The following PDE4D variants were observed in gnomAD, a reference collection of about 807,000 sequenced individuals.
The protein encoded by PDE4D is 3',5'-cyclic-AMP phosphodiesterase 4D.
A neutral mutation model predicts 87.4 loss-of-function variants in PDE4D; 24 were observed. That is an observed-to-expected ratio of 0.27 (90% CI 0.20 to 0.39). The LOEUF is 0.39. Among genes scored for constraint, PDE4D ranks in the 10% least tolerant of loss-of-function variants. The pLI, the probability that PDE4D is intolerant of heterozygous loss-of-function variation, is 1.00. For synonymous variants in PDE4D, 384 were observed against 383.2 expected, an observed-to-expected ratio of 1.00 and a Z score of -0.02; for missense variants, 714 against 1,041.0, an observed-to-expected ratio of 0.69 and a Z score of 4.32.
intron 1 of PDE4D, among the ~76,000 whole-genome samples, chr5:60,467,333 C>T (rs1376264592): frequency 6.6e-6 from 1 of 152,172 alleles, no homozygotes; most frequent in Non-Finnish European, 1.5e-5. Context: ...CCACCAGGCC[C>T]AGCCCTGGAA....
chr5:60,244,612 G>A (rs533990665), intron 1 of PDE4D, among the ~76,000 whole-genome samples: 1 of 151,892 alleles, frequency 6.6e-6, no homozygotes, highest in East Asian at 1.9e-4. Context: ...ACATAGACCA[G>A]TGGAATAGAA....
chr5:59,358,672 T>TG (rs1366183107), intron 1 of PDE4D, among the ~76,000 whole-genome samples: 3 of 151,816 alleles, frequency 2.0e-5, no homozygotes, highest in African/African-American at 7.3e-5. Flanking sequence ...AGATAACTGG[T>TG]GATCTGCGTA....
intron 2 of PDE4D, among the ~76,000 whole-genome samples, chr5:60,094,806 G>A (rs851280): frequency 0.5 from 75,134 of 151,412 alleles, 19,060 homozygotes; most frequent in East Asian, 0.82. Flanking sequence ...GAACTGTGAG[G>A]CAATACATAC....
rs551936721 is a variant in PDE4D at position 59,202,876 on chromosome 5, C to T, written c.648-9340G>A. Among the ~76,000 whole-genome samples, 26 of 152,266 alleles carry T rather than the reference C, an allele frequency of 1.7e-4. No homozygotes were observed. The South Asian group carries it at 5.4e-3, about 32-fold the overall frequency. On this transcript the variant is annotated intron_variant, in intron 2 of 14. Transcript: ENST00000340635. Reference sequence around the variant, plus strand: ...GTAAATTGCCCAGTCTCAGATATGTCTTTATCAGCAGCATGAGAACAGACT... The same window carrying T: ...GTAAATTGCCCAGTCTCAGATATGTTTTTATCAGCAGCATGAGAACAGACT...
chr5:59,576,556 A>G (rs771858850), intron 1 of PDE4D, among the ~76,000 whole-genome samples: 15 of 152,198 alleles, frequency 9.9e-5, no homozygotes, highest in Non-Finnish European at 1.9e-4. Context: ...AAATTTAAAA[A>G]GTACCTATTA....
At chr5:60,181,710 A>G (rs1024476522) in intron 2 of PDE4D, among the ~76,000 whole-genome samples, 5 of 152,192 alleles carry the variant, frequency 3.3e-5, no homozygotes, top group Non-Finnish European at 7.3e-5. Context: ...GAAAATTGGG[A>G]ATTTAATGCA....
intron 1 of PDE4D, among the ~76,000 whole-genome samples, chr5:59,545,493 GCT>G (rs2153685601): frequency 6.6e-6 from 1 of 152,276 alleles, no homozygotes; most frequent in East Asian, 1.9e-4. Context: ...ATCCAAATTA[GCT>G]CTGTTTCCCA....
chr5:60,024,732 A>C (rs1766441166), intron 2 of PDE4D, among the ~76,000 whole-genome samples: 1 of 152,170 alleles, frequency 6.6e-6, no homozygotes, highest in East Asian at 1.9e-4. Flanking sequence ...GAGATACAAA[A>C]TGAGCCTTAT....
chr5:60,105,697 G>A (rs1170066759), intron 2 of PDE4D, among the ~76,000 whole-genome samples: 2 of 152,040 alleles, frequency 1.3e-5, no homozygotes, highest in Non-Finnish European at 2.9e-5. Context: ...AAGATAATGG[G>A]GGCCAATATT....
chr5:60,125,437 A>G (rs1779048762), intron 2 of PDE4D, among the ~76,000 whole-genome samples: 1 of 152,152 alleles, frequency 6.6e-6, no homozygotes, highest in Admixed American at 6.6e-5. Flanking sequence ...TGCCTGGAAT[A>G]CTGCATTTAT....
At chr5:60,235,443 C>T (rs1746318147) in intron 1 of PDE4D, among the ~76,000 whole-genome samples, 1 of 151,870 alleles carries the variant, frequency 6.6e-6, no homozygotes, top group African/African-American at 2.4e-5. Context: ...CTCCCAACCA[C>T]TATGAACCTG....
intron 1 of PDE4D, among the ~76,000 whole-genome samples, chr5:59,306,316 A>T (rs534448410): frequency 2.6e-5 from 4 of 152,244 alleles, no homozygotes; most frequent in Non-Finnish European, 5.9e-5. Flanking sequence ...GGCAGCAGAT[A>T]GTTGGTTGGT....
intron 2 of PDE4D, among the ~76,000 whole-genome samples, chr5:60,068,737 C>G (rs973077691): frequency 6.6e-6 from 1 of 152,264 alleles, no homozygotes; most frequent in African/African-American, 2.4e-5. Context: ...GCTGGTACTA[C>G]AGGTGTGAGC....
chr5:59,538,246 T>A (rs1815626970), intron 1 of PDE4D, among the ~76,000 whole-genome samples: 1 of 152,228 alleles, frequency 6.6e-6, no homozygotes, highest in South Asian at 2.1e-4. Flanking sequence ...TAAAAGTTTT[T>A]TGGCTTTAGC....
At chr5:59,322,516 T>C (rs575021103) in intron 1 of PDE4D, among the ~76,000 whole-genome samples, 9 of 152,230 alleles carry the variant, frequency 5.9e-5, no homozygotes, top group South Asian at 2.1e-4. Context: ...AAGAAGCTCA[T>C]TGGGCACTCC....
intron 1 of PDE4D, among the ~76,000 whole-genome samples, chr5:59,425,873 C>G (rs1387069027): frequency 6.6e-6 from 1 of 152,126 alleles, no homozygotes; most frequent in East Asian, 1.9e-4. Flanking sequence ...TTCATGAGCA[C>G]AATTTGTTAT....
chr5:59,058,983 TA>T (rs1353311357), intron 5 of PDE4D, among the ~76,000 whole-genome samples: 1 of 152,130 alleles, frequency 6.6e-6, no homozygotes, highest in Admixed American at 6.6e-5. Flanking sequence ...CAAGATCAGT[TA>T]AGGCCCTGTA....
At chr5:59,630,712 T>C (rs997103326) in intron 1 of PDE4D, among the ~76,000 whole-genome samples, 1 of 152,188 alleles carries the variant, frequency 6.6e-6, no homozygotes, top group Non-Finnish European at 1.5e-5. Context: ...ACAACTTCTA[T>C]AATAGAAGCA....
chr5:59,157,161 AT>A (rs201260018), intron 5 of PDE4D: 67 of 574,388 alleles, frequency 1.2e-4, no homozygotes, highest in South Asian at 2.4e-4. Flanking sequence ...TTGCTTCACA[AT>A]TTTTTTTTCT....
Sources: allele counts gnomAD v4.1 joint callset (sites outside exome capture counted in the v4.1 genomes callset), GRCh38; gene constraint gnomAD v4.1.1; transcripts MANE v1.5; gene names NCBI Gene and HGNC (gene_info 2026-07-23, HGNC 2026-07-21).